MAGI3: variants seen among roughly 807,000 people sequenced by gnomAD.
MAGI3 encodes the protein membrane associated guanylate kinase, WW and PDZ domain containing 3, also known as membrane-associated guanylate kinase, WW and PDZ domain-containing protein 3.
A neutral mutation model predicts 121.8 loss-of-function variants in MAGI3; 43 were observed. The ratio of observed to expected loss-of-function variants is 0.35; its 90% CI spans 0.28 to 0.46. The LOEUF (loss-of-function observed/expected upper bound fraction) is 0.46, where lower values mean the gene tolerates loss of function less well. MAGI3 is among the 20% of genes least tolerant of loss of function. The pLI is 1.00. For missense variants in MAGI3, 1,547 were observed against 1,797.3 expected, an observed-to-expected ratio of 0.86 and a Z score of 2.52; for synonymous variants, 553 against 639.3, an observed-to-expected ratio of 0.86 and a Z score of 2.04.
rs539958618 is a variant in MAGI3, at chr1:113,416,027, TGA to T, written c.316+24679_316+24680del. ...TTACATATATTAATTATGTAATTAA[TGA>T]CACATATTAATTATGTAATTAATGA... On this transcript the variant is annotated intron_variant, in intron 1 of 20. Transcript: ENST00000307546. Among the ~76,000 whole-genome samples the T allele has an allele frequency of 2.0e-4, 30 of 148,924 alleles. 1 individual carries two copies. In the South Asian group the frequency reaches 3.7e-3, roughly 18 times the overall value.
intron 1 of MAGI3, among the ~76,000 whole-genome samples, chr1:113,452,921 C>T (rs973105660): frequency 6.6e-6 from 1 of 152,192 alleles, no homozygotes; most frequent in African/African-American, 2.4e-5. Flanking sequence ...GGAAATCTTA[C>T]TTTGATTATC....
chr1:113,572,763 ATT>A (rs1557830221), intron 2 of MAGI3, among the ~76,000 whole-genome samples: 3 of 151,664 alleles, frequency 2.0e-5, no homozygotes, highest in African/African-American at 7.3e-5. Flanking sequence ...TTTTTATTGC[ATT>A]TATTTGATTC....
rs1462217952 is a variant in MAGI3, at chr1:113,642,480, G to T, written c.1930G>T (p.Val644Leu). Reference protein sequence around the residue: ...QVVEVLKQFPVGADVPLLILR... With the variant: ...QVVEVLKQFPLGADVPLLILR... ...GGTAGAGGTGCTAAAGCAGTTTCCA[G>T]TAGGTGCTGATGTACCATTGCTTAT... The change falls in exon 10 of 21, where the codon GTA (valine) becomes TTA (leucine). Residue 644 changes from valine (V) to leucine (L), a missense_variant. Physicochemically the swap from Val to Leu is conservative, Grantham distance 32. Transcript: ENST00000307546. 6.2e-7 allele frequency: 1 copy of T among 1,613,868 alleles called. No homozygotes were observed. The highest frequency in any genetic ancestry group is 8.5e-7 in the Non-Finnish European group (1 of 1,179,896).
intron 14 of MAGI3, among the ~76,000 whole-genome samples, chr1:113,652,392 C>T (rs576211432): frequency 6.6e-6 from 1 of 152,288 alleles, no homozygotes; most frequent in African/African-American, 2.4e-5. Context: ...TTACATCACT[C>T]TTAAAAATGA....
rs1650814831 is a variant in MAGI3, at chr1:113,391,496, G to A, written c.316+147G>A. ...GTGCCAGACTCCTTGACGAGGGGGA[G>A]GGGTGGCGTTGGTGAGTCCCATTTT... On this transcript the variant is annotated intron_variant, in intron 1 of 20. Transcript: ENST00000307546. This position sits in a 1 kb window ranked among gnomAD's most constrained non-coding sequence, Gnocchi z 4.4. 2.1e-6 allele frequency: 2 copies of A among 949,840 alleles called. No individual in the cohort carries two copies. The highest frequency in any genetic ancestry group is 3.1e-6 in the Non-Finnish European group (2 of 653,090). 58.8% of individuals were successfully genotyped at this position (949,840 alleles called of 1,614,324 possible).
intron 1 of MAGI3, among the ~76,000 whole-genome samples, chr1:113,522,053 T>TC (rs1311197508): frequency 6.6e-6 from 1 of 152,156 alleles, no homozygotes; most frequent in Non-Finnish European, 1.5e-5. Context: ...TAACTCTTCT[T>TC]CCCCTTTGCT....
intron 1 of MAGI3, among the ~76,000 whole-genome samples, chr1:113,448,548 T>C (rs1654298105): frequency 6.6e-6 from 1 of 152,256 alleles, no homozygotes; most frequent in South Asian, 2.1e-4. Context: ...TATAAACTAA[T>C]ATCAGAGTTC....
chr1:113,632,605 C>A (rs1306628940), intron 9 of MAGI3, among the ~76,000 whole-genome samples: 1 of 152,150 alleles, frequency 6.6e-6, no homozygotes, highest in Non-Finnish European at 1.5e-5. Flanking sequence ...CCAAAATAGT[C>A]TTACTAATGT....
chr1:113,564,608 A>G (rs940332711), intron 2 of MAGI3, among the ~76,000 whole-genome samples: 5 of 152,066 alleles, frequency 3.3e-5, no homozygotes, highest in Admixed American at 1.3e-4. Context: ...GTTGGCTCAC[A>G]CCTGTAGTCC....
At chr1:113,640,433 A>G (rs1348951271) in intron 9 of MAGI3, among the ~76,000 whole-genome samples, 1 of 152,222 alleles carries the variant, frequency 6.6e-6, no homozygotes, top group African/African-American at 2.4e-5. Context: ...ATGCACACGT[A>G]TGTTTATTGC....
chr1:113,636,102 T>C (rs1454618312), intron 9 of MAGI3, among the ~76,000 whole-genome samples: 3 of 152,192 alleles, frequency 2.0e-5, no homozygotes, highest in African/African-American at 4.8e-5. Flanking sequence ...ATTGCATCTA[T>C]TTGATTCTTC....
At chr1:113,672,430 G>T (rs1470893687) in intron 17 of MAGI3, among the ~76,000 whole-genome samples, 185 bp from the exon 18 acceptor site, 3 of 143,232 alleles carry the variant, frequency 2.1e-5, no homozygotes, top group Non-Finnish European at 4.5e-5. Context: ...AAAGTATGTT[G>T]GAATTAATGA....
chr1:113,505,135 G>A (rs1475957893), intron 1 of MAGI3, among the ~76,000 whole-genome samples: 1 of 152,088 alleles, frequency 6.6e-6, no homozygotes, highest in African/African-American at 2.4e-5. Context: ...GGAAGGAAAA[G>A]GGAGGTAGGC....
intron 1 of MAGI3, among the ~76,000 whole-genome samples, chr1:113,512,135 A>C (rs1657645691): frequency 6.6e-6 from 1 of 152,210 alleles, no homozygotes; most frequent in African/African-American, 2.4e-5. Flanking sequence ...GGCAAGACAA[A>C]ATGGGTAAAA....
intron 1 of MAGI3, among the ~76,000 whole-genome samples, chr1:113,401,482 G>T (rs1019666367): frequency 6.6e-6 from 1 of 152,034 alleles, no homozygotes; most frequent in Non-Finnish European, 1.5e-5. Context: ...TGCTACATTT[G>T]TAAGAGAATA....
chr1:113,541,692 A>C (rs1659294040), intron 1 of MAGI3, among the ~76,000 whole-genome samples: 1 of 152,226 alleles, frequency 6.6e-6, no homozygotes, highest in African/African-American at 2.4e-5. Context: ...CAGATGTGGA[A>C]TATAGAGGTG....
At chr1:113,481,989 G>A (rs990400070) in intron 1 of MAGI3, among the ~76,000 whole-genome samples, 4 of 149,942 alleles carry the variant, frequency 2.7e-5, no homozygotes, top group African/African-American at 9.9e-5. Flanking sequence ...CAATATGATT[G>A]TAATCCCATG....
Position 113,505,192 on chromosome 1 carries a change from A to G in MAGI3, c.317-44323A>G, listed in dbSNP as rs72687955. ...GAGAATGGAACTCAAAGAGCAAGTC[A>G]AGACTCAAGATTTAAATTTGGGAGT... On this transcript the variant is annotated intron_variant, in intron 1 of 20. Transcript: ENST00000307546. Among the ~76,000 whole-genome samples the G allele has an allele frequency of 2.0e-3, 301 of 152,282 alleles. 1 individual carries two copies. The highest frequency in any genetic ancestry group is 3.5e-3 in the Non-Finnish European group (239 of 68,000).
chr1:113,667,329 A>C (rs1261021963), intron 16 of MAGI3, among the ~76,000 whole-genome samples: 1 of 152,218 alleles, frequency 6.6e-6, no homozygotes, highest in Non-Finnish European at 1.5e-5. Flanking sequence ...ATCTTCTGGA[A>C]AAGTTGCTGC....
Sources: allele counts gnomAD v4.1 joint callset (sites outside exome capture counted in the v4.1 genomes callset), GRCh38; gene constraint gnomAD v4.1.1; non-coding constraint Gnocchi (gnomAD v3.1); transcripts MANE v1.5; gene names NCBI Gene and HGNC (gene_info 2026-07-23, HGNC 2026-07-21).